Variants in SHB observed in about 807,000 individuals in gnomAD.
SHB encodes the protein SH2 domain-containing adapter protein B.
In SHB, 20 loss-of-function variants were observed where a neutral mutation model predicts 52.3. That is an observed-to-expected ratio of 0.38 (90% CI 0.27 to 0.56). SHB has a LOEUF of 0.56. SHB is among the 20% of genes least tolerant of loss of function. The pLI is 0.71. For synonymous variants in SHB, 397 were observed against 316.5 expected (o/e 1.25, Z -2.70); for missense variants, 825 against 723.3 (o/e 1.14, Z -1.61).
At position 38,068,353 on chromosome 9, in the gene SHB, C is replaced by T; in HGVS notation, c.293G>A (p.Gly98Glu). 1 of 1,564,102 alleles carries T rather than the reference C, an allele frequency of 6.4e-7. No homozygotes were observed. Among genetic ancestry groups the T allele is most frequent in the Non-Finnish European group, 8.6e-7 (1 of 1,159,568 alleles). Residue 98 changes from glycine (G) to glutamate (E), a missense_variant, in exon 1 of 6, where the codon GGG becomes GAG. Transcript: ENST00000377707. Reference protein sequence around the residue: ...KERDFEDPYNGPGSSLRKLRA... With the variant: ...KERDFEDPYNEPGSSLRKLRA... ...CAGTTTGCGCAGCGACGAGCCAGGC[C>T]CGTTGTAGGGGTCCTCGAAGTCTCG...
chr9:37,931,207 A>T (rs1191780713), intron 5 of SHB, among the ~76,000 whole-genome samples: 1 of 152,158 alleles, frequency 6.6e-6, no homozygotes, highest in South Asian at 2.1e-4. Context: ...CTTGGCAATG[A>T]TTTTTTTGGA....
intron 1 of SHB, among the ~76,000 whole-genome samples, chr9:38,023,575 T>G (rs1177471129): frequency 6.6e-6 from 1 of 152,194 alleles, no homozygotes; most frequent in Non-Finnish European, 1.5e-5. Flanking sequence ...CCCCGGTGAT[T>G]ACCAGGGAAA....
chr9:38,026,584 T>C (rs1821346588), intron 1 of SHB, among the ~76,000 whole-genome samples: 1 of 152,206 alleles, frequency 6.6e-6, no homozygotes, highest in East Asian at 1.9e-4. Context: ...ACCAGCCCCA[T>C]GTTTGAGGGC....
At chr9:38,044,983 TAA>T (rs1223005352) in intron 1 of SHB, among the ~76,000 whole-genome samples, 1 of 151,964 alleles carries the variant, frequency 6.6e-6, no homozygotes, top group African/African-American at 2.4e-5. Context: ...GAGCTGAACT[TAA>T]GAGGATGAGG....
chr9:38,067,905 GGAAGA>G lies in SHB; in HGVS notation c.717+19_717+23del. 1 of 1,448,730 alleles carries G rather than the reference GGAAGA, an allele frequency of 6.9e-7. No homozygotes were observed. The highest frequency in any genetic ancestry group is 1.4e-5 in the South Asian group (1 of 70,392). 89.7% of individuals were successfully genotyped at this position (1,448,730 alleles called of 1,614,324 possible). On this transcript the variant is annotated intron_variant, in intron 1 of 5. Transcript: ENST00000377707. ...TGCGCACCGTGGCTCTGGAACCTCG[GGAAGA>G]GGCCAAGGGGCACCTTACCTTGTCC...
At chr9:37,991,122 G>A (rs974408678) in intron 2 of SHB, among the ~76,000 whole-genome samples, 3 of 152,190 alleles carry the variant, frequency 2.0e-5, no homozygotes, top group Non-Finnish European at 4.4e-5. Flanking sequence ...AGACTCTCCT[G>A]TTTGATATTA....
chr9:38,058,080 T>C (rs1821843527), intron 1 of SHB, among the ~76,000 whole-genome samples: 2 of 152,226 alleles, frequency 1.3e-5, no homozygotes, highest in Admixed American at 6.5e-5. Flanking sequence ...AAATATACCA[T>C]GGCATGCCCC....
At position 38,015,994 on chromosome 9, in the gene SHB, G is replaced by A. The variant is rs542886839; in HGVS notation, c.838+17C>T. On this transcript the variant is annotated intron_variant, in intron 2 of 5. Transcript: ENST00000377707. ...TACAACCCCAGCTGTGAGCCCCTGCGCTTCAGCTCCACTTACCTGTCATGA... is the reference window on the plus strand; with the variant it reads ...TACAACCCCAGCTGTGAGCCCCTGCACTTCAGCTCCACTTACCTGTCATGA... The A allele has an allele frequency of 2.2e-5, 36 of 1,613,422 alleles. No individual in the cohort carries two copies. The highest frequency in any genetic ancestry group is 8.0e-5 in the African/African-American group (6 of 75,026).
intron 1 of SHB, among the ~76,000 whole-genome samples, chr9:38,038,540 G>C (rs1821520192): frequency 6.6e-6 from 1 of 152,202 alleles, no homozygotes; most frequent in African/African-American, 2.4e-5. Context: ...AAGGTACTGA[G>C]TAGATGAATA....
At chr9:38,015,309 C>T (rs1821195751) in intron 2 of SHB, 1 of 652,632 alleles carries the variant, frequency 1.5e-6, no homozygotes. Context: ...TAACCCTTCA[C>T]TTCTTAAAGA....
At chr9:38,063,963 T>C (rs1821929437) in intron 1 of SHB, among the ~76,000 whole-genome samples, 1 of 152,130 alleles carries the variant, frequency 6.6e-6, no homozygotes, top group African/African-American at 2.4e-5. Flanking sequence ...CCTGACTTAG[T>C]TGTGGTGGAA....
intron 1 of SHB, among the ~76,000 whole-genome samples, chr9:38,052,484 T>C (rs1413367486): frequency 6.6e-6 from 1 of 152,178 alleles, no homozygotes; most frequent in Non-Finnish European, 1.5e-5. Context: ...GAAAAATCTA[T>C]CCTCCTGACA....
chr9:37,948,172 T>C (rs1440165719), intron 5 of SHB, among the ~76,000 whole-genome samples: 1 of 152,178 alleles, frequency 6.6e-6, no homozygotes, highest in African/African-American at 2.4e-5. Flanking sequence ...AGCTAGGTCA[T>C]GCTCACAGTG....
intron 5 of SHB, among the ~76,000 whole-genome samples, chr9:37,931,373 A>G (rs1474894341): frequency 6.6e-6 from 1 of 152,186 alleles, no homozygotes; most frequent in Non-Finnish European, 1.5e-5. Flanking sequence ...TTTATAAAGG[A>G]CTCACATAAC....
intron 1 of SHB, among the ~76,000 whole-genome samples, chr9:38,037,440 T>TC (rs1285670937): frequency 1.3e-5 from 2 of 152,184 alleles, no homozygotes; most frequent in African/African-American, 4.8e-5. Flanking sequence ...CCTTCTCTCT[T>TC]CTCTGATCAC....
chr9:37,979,085 C>T (rs1820690265), intron 2 of SHB, among the ~76,000 whole-genome samples: 1 of 152,198 alleles, frequency 6.6e-6, no homozygotes, highest in South Asian at 2.1e-4. Flanking sequence ...CTACCAGGCC[C>T]GTCTTCCTTA....
At chr9:38,022,217 T>C (rs1434982465) in intron 1 of SHB, among the ~76,000 whole-genome samples, 1 of 152,212 alleles carries the variant, frequency 6.6e-6, no homozygotes, top group Non-Finnish European at 1.5e-5. Flanking sequence ...CAGAGTGTTG[T>C]TGAGCACATC....
chr9:37,964,533 C>T (rs1217691719), intron 3 of SHB, among the ~76,000 whole-genome samples: 1 of 152,140 alleles, frequency 6.6e-6, no homozygotes, highest in African/African-American at 2.4e-5. Context: ...GAGGCCTCTA[C>T]GGCTGCCAAA....
intron 1 of SHB, among the ~76,000 whole-genome samples, chr9:38,044,097 C>A (rs559731523): frequency 2.0e-4 from 30 of 152,300 alleles, no homozygotes; most frequent in African/African-American, 7.0e-4. Context: ...GGGAGGAGGC[C>A]GGTGGCCAAC....
Sources: gnomAD v4.1 joint callset for allele counts (sites outside exome capture counted in the v4.1 genomes callset) on GRCh38, gnomAD v4.1.1 for gene constraint, MANE v1.5 for transcripts, NCBI Gene and HGNC (gene_info 2026-07-23, HGNC 2026-07-21) for gene names.